Variants in PIAS1 observed in about 807,000 individuals in gnomAD.
The protein encoded by PIAS1 is protein inhibitor of activated STAT 1.
In PIAS1, 6 loss-of-function variants were observed where a neutral mutation model predicts 71.3. The ratio of observed to expected loss-of-function variants is 0.08; its 90% CI spans 0.05 to 0.17. The LOEUF (loss-of-function observed/expected upper bound fraction) is 0.17, where lower values mean the gene tolerates loss of function less well. Among genes scored for constraint, PIAS1 ranks in the 10% least tolerant of loss-of-function variants. The pLI is 1.00. For synonymous variants in PIAS1, 303 were observed against 292.9 expected, an observed-to-expected ratio of 1.03 and a Z score of -0.35; for missense variants, 555 against 793.6, an observed-to-expected ratio of 0.70 and a Z score of 3.61.
rs967078144 is a variant in PIAS1 at position 68,104,791 on chromosome 15, C to T, written c.469+18041C>T. 2.6e-5 allele frequency among the ~76,000 whole-genome samples: 4 copies of T among 152,262 alleles called. 1 individual carries two copies. The highest frequency in any genetic ancestry group is 1.3e-4 in the Admixed American group (2 of 15,288). On this transcript the variant is annotated intron_variant, in intron 2 of 13. Coordinates refer to ENST00000249636, the MANE Select transcript of PIAS1 (RefSeq NM_016166.3). The stretch of plus-strand genomic sequence containing the variant: ...CACATTGTATGCATGTACAAAAATA[C>T]ATATTCCATAAATATGTACAGCAAT...
chr15:68,099,259 C>CTTT (rs554957140), intron 2 of PIAS1, among the ~76,000 whole-genome samples: 1 of 132,674 alleles, frequency 7.5e-6, no homozygotes, highest in Non-Finnish European at 1.6e-5. Context: ...ATATATATTT[C>CTTT]TTTTTTTTTT....
rs2092964302 is a variant in PIAS1, at chr15:68,167,397, A to C, written c.1008+2593A>C. 6.6e-6 allele frequency among the ~76,000 whole-genome samples: 1 copy of C among 152,204 alleles called. No individual in the cohort carries two copies. The highest frequency in any genetic ancestry group is 1.5e-5 in the Non-Finnish European group (1 of 68,032). On this transcript the variant is annotated intron_variant, in intron 8 of 13. Coordinates refer to ENST00000249636, the MANE Select transcript of PIAS1 (RefSeq NM_016166.3). The surrounding 1 kb of genome is among the most constrained non-coding windows in gnomAD (Gnocchi z 4.4). ...AATAAAAGAGATTTGTGCTCTTTGA[A>C]ATATGTAAATATGATGTCTCACTGT...
At chr15:68,147,366 T>G (rs1393385640) in intron 6 of PIAS1, among the ~76,000 whole-genome samples, 1 of 152,200 alleles carries the variant, frequency 6.6e-6, no homozygotes. Flanking sequence ...GAATATGTTT[T>G]ATATTTGTGA....
At chr15:68,182,597 T>C (rs2093062034) in intron 12 of PIAS1, among the ~76,000 whole-genome samples, 1 of 152,072 alleles carries the variant, frequency 6.6e-6, no homozygotes, top group African/African-American at 2.4e-5. Context: ...ATTTTGTATT[T>C]TTAGTAGAGA....
At position 68,086,353 on chromosome 15, in the gene PIAS1, C is replaced by G. The variant is rs2092281255; in HGVS notation, c.72C>G (p.Gly24=). Reference sequence around the variant, plus strand: ...TTTCTGAACTCCAAGTACTGTTGGGCTACGCCGGGAGAAACAAGCACGGAC... The same window carrying G: ...TTTCTGAACTCCAAGTACTGTTGGGGTACGCCGGGAGAAACAAGCACGGAC... ...LRVSELQVLL[G]YAGRNKHGRK... The change falls in exon 2 of 14, where the codon GGC becomes GGG. Residue 24 remains glycine (G), a synonymous_variant. Coordinates refer to ENST00000249636, the MANE Select transcript of PIAS1 (RefSeq NM_016166.3). This position sits in a 1 kb window ranked among gnomAD's most constrained non-coding sequence, Gnocchi z 7.2. 6.2e-7 allele frequency: 1 copy of G among 1,612,348 alleles called. No homozygotes were observed. The highest frequency in any genetic ancestry group is 1.3e-5 in the African/African-American group (1 of 74,866).
rs770920617 is a variant in PIAS1 at position 68,086,615 on chromosome 15, T to C, written c.334T>C (p.Ser112Pro). ...HPASSPLLPV[S>P]LLGPKHELEL... Reference sequence around the variant, plus strand: ...TGCATCATCGCCATTACTCCCTGTTTCTCTTCTGGGACCTAAACATGAACT... The same window carrying C: ...TGCATCATCGCCATTACTCCCTGTTCCTCTTCTGGGACCTAAACATGAACT... The change falls in exon 2 of 14, where the codon TCT becomes CCT. Residue 112 changes from serine to proline, a missense_variant. Ser to Pro is a moderately conservative substitution (Grantham distance 74, BLOSUM62 -1). Transcript: ENST00000249636. The surrounding 1 kb of genome is among the most constrained non-coding windows in gnomAD (Gnocchi z 7.2). 3 of 1,613,508 alleles carry C rather than the reference T, an allele frequency of 1.9e-6. No homozygotes were observed. In the South Asian group the frequency reaches 3.3e-5, roughly 18 times the overall value.
Position 68,188,061 on chromosome 15 carries a change from GT to G in PIAS1, c.*229del. Reference sequence around the variant, plus strand: ...AGACTGCCTGTGTGATAAAACACTTGTTTAAAAAAAAAAAGGAAAGAAAAGA... The same window carrying G: ...AGACTGCCTGTGTGATAAAACACTTGTTAAAAAAAAAAAGGAAAGAAAAGA... On this transcript the variant is annotated 3_prime_UTR_variant, in exon 14 of 14. Coordinates refer to ENST00000249636, the MANE Select transcript of PIAS1 (RefSeq NM_016166.3). 5 of 298,590 alleles carry G rather than the reference GT, an allele frequency of 1.7e-5. No individual in the cohort carries two copies. Among genetic ancestry groups the G allele is most frequent in the Non-Finnish European group, 3.0e-5 (5 of 165,708 alleles). 18.5% of individuals were successfully genotyped at this position (298,590 alleles called of 1,614,324 possible).
Position 68,099,190 on chromosome 15 carries a change from G to A in PIAS1, c.469+12440G>A, listed in dbSNP as rs1048422855. Among the ~76,000 whole-genome samples, 15 of 150,576 alleles carry A rather than the reference G, an allele frequency of 1.0e-4. No individual in the cohort carries two copies. In the East Asian group the frequency reaches 1.4e-3, roughly 14 times the overall value. ...ATTTTTTAAATTATAAAAGCACATC[G>A]TTATTTATTTATGAGCGGAGTTTTA... On this transcript the variant is annotated intron_variant, in intron 2 of 13. Coordinates refer to ENST00000249636, the MANE Select transcript of PIAS1 (RefSeq NM_016166.3).
rs960542931 is a variant in PIAS1 at position 68,180,311 on chromosome 15, G to T, written c.1482-901G>T. On this transcript the variant is annotated intron_variant, in intron 11 of 13. Coordinates refer to ENST00000249636, the MANE Select transcript of PIAS1 (RefSeq NM_016166.3). Reference sequence around the variant, plus strand: ...GACAGGGTCTCCCTATGTTGCCCAGGCTGGGCAACTTCTGGGCTGAAACTA... The same window carrying T: ...GACAGGGTCTCCCTATGTTGCCCAGTCTGGGCAACTTCTGGGCTGAAACTA... Among the ~76,000 whole-genome samples the T allele has an allele frequency of 2.0e-5, 3 of 151,884 alleles. No individual in the cohort carries two copies. In the East Asian group the frequency reaches 5.8e-4, roughly 30 times the overall value.
At chr15:68,169,222 A>T (rs1044222665) in intron 8 of PIAS1, among the ~76,000 whole-genome samples, 1 of 152,248 alleles carries the variant, frequency 6.6e-6, no homozygotes, top group Non-Finnish European at 1.5e-5. Context: ...AAGGTCTGAC[A>T]TAAGATCTAA....
chr15:68,119,909 A>G (rs1451655945), intron 2 of PIAS1, among the ~76,000 whole-genome samples: 4 of 152,152 alleles, frequency 2.6e-5, no homozygotes, highest in Non-Finnish European at 2.9e-5. Flanking sequence ...CTCTATCCCT[A>G]GTAATATTTT....
Position 68,187,536 on chromosome 15 carries a change from C to T in PIAS1, c.1663-6C>T. 1 of 1,611,466 alleles carries T rather than the reference C, an allele frequency of 6.2e-7. No homozygotes were observed. The highest frequency in any genetic ancestry group is 8.5e-7 in the Non-Finnish European group (1 of 1,177,896). ...CATTTTTGTGTCTTTTGTTTCCCCTCCCTAGCATTACAACACCTCCTTGCT... is the reference window on the plus strand; with the variant it reads ...CATTTTTGTGTCTTTTGTTTCCCCTTCCTAGCATTACAACACCTCCTTGCT... On this transcript the variant is annotated splice_region_variant and splice_polypyrimidine_tract_variant and intron_variant, in intron 13 of 13. Transcript: ENST00000249636. This position sits in a 1 kb window ranked among gnomAD's most constrained non-coding sequence, Gnocchi z 5.3.
chr15:68,067,711 T>A (rs763118333), intron 1 of PIAS1, among the ~76,000 whole-genome samples: 5 of 151,958 alleles, frequency 3.3e-5, no homozygotes, highest in Non-Finnish European at 7.4e-5. Flanking sequence ...GTTGCTTTTT[T>A]AAAAAAAATT....
intron 11 of PIAS1, among the ~76,000 whole-genome samples, chr15:68,180,427 T>C (rs529422426): frequency 1.3e-5 from 2 of 151,326 alleles, no homozygotes; most frequent in Non-Finnish European, 2.9e-5. Flanking sequence ...ATTTTTTCCT[T>C]CTTCTCCTTT....
intron 2 of PIAS1, among the ~76,000 whole-genome samples, chr15:68,089,627 T>TCA (rs2092316449): frequency 6.6e-6 from 1 of 152,060 alleles, no homozygotes; most frequent in Non-Finnish European, 1.5e-5. Flanking sequence ...CAATCTAGGC[T>TCA]CACTGCAACC....
intron 5 of PIAS1, among the ~76,000 whole-genome samples, chr15:68,146,133 C>T (rs2092806314): frequency 6.6e-6 from 1 of 152,034 alleles, no homozygotes; most frequent in Non-Finnish European, 1.5e-5. Context: ...TAGTGTTGTA[C>T]TGGATTTTGG....
At chr15:68,156,652 T>C (rs1470189282) in intron 7 of PIAS1, among the ~76,000 whole-genome samples, 1 of 145,588 alleles carries the variant, frequency 6.9e-6, no homozygotes, top group African/African-American at 2.6e-5. Context: ...GAAGTTGCAG[T>C]GAGCTGAGAT....
intron 2 of PIAS1, among the ~76,000 whole-genome samples, chr15:68,118,028 T>G (rs2092580040): frequency 6.6e-6 from 1 of 152,194 alleles, no homozygotes; most frequent in South Asian, 2.1e-4. Flanking sequence ...CTTCTGGTTT[T>G]GTGTAGAGTC....
chr15:68,084,788 T>C (rs1489595), intron 1 of PIAS1, among the ~76,000 whole-genome samples: 8,687 of 152,294 alleles, frequency 0.057, 335 homozygotes, highest in South Asian at 0.085. Context: ...GGTTTGCTTA[T>C]AGAATCACTT....
Sources: gnomAD v4.1 joint callset for allele counts (sites outside exome capture counted in the v4.1 genomes callset) on GRCh38, gnomAD v4.1.1 for gene constraint, Gnocchi (gnomAD v3.1) non-coding constraint, MANE v1.5 for transcripts, NCBI Gene and HGNC (gene_info 2026-07-23, HGNC 2026-07-21) for gene names.